The following RBFOX1 variants were observed in gnomAD, a reference collection of about 807,000 sequenced individuals.
RBFOX1 encodes RNA binding fox-1 homolog 1.
Under a neutral mutation model 57.7 loss-of-function variants are expected in RBFOX1, and 8 were observed. The observed-to-expected ratio is 0.14, with a 90% CI of 0.08 to 0.25. The LOEUF is 0.25. Among genes scored for constraint, RBFOX1 ranks in the 10% least tolerant of loss-of-function variants. RBFOX1 has a pLI of 1.00. For missense variants in RBFOX1, 611 were observed against 548.5 expected (o/e 1.11, Z -1.14); for synonymous variants, 326 against 222.4 (o/e 1.47, Z -4.15).
At chr16:6,993,045 G>T (rs919591122) in intron 3 of RBFOX1, among the ~76,000 whole-genome samples, 1 of 152,108 alleles carries the variant, frequency 6.6e-6, no homozygotes, top group Non-Finnish European at 1.5e-5. Context: ...TAATTTCGCA[G>T]CTGGAGCCTG....
chr16:7,535,873 A>G (rs772941866), intron 5 of RBFOX1, among the ~76,000 whole-genome samples: 5 of 152,250 alleles, frequency 3.3e-5, no homozygotes, highest in Admixed American at 6.5e-5. Context: ...GGAACAAAGT[A>G]GATACTCAAT....
chr16:6,210,358 C>A (rs56130441), intron 1 of RBFOX1, among the ~76,000 whole-genome samples: 92,474 of 96,712 alleles, frequency 0.96, 44,189 homozygotes, highest in South Asian at 0.99. Context: ...AAAAAAAAAA[C>A]ACCAAAAAAA....
chr16:5,702,983 CATG>C (rs1379769170), intron 3 of RBFOX1, among the ~76,000 whole-genome samples: 1 of 152,168 alleles, frequency 6.6e-6, no homozygotes. Context: ...TCATGTACAT[CATG>C]ATGTCTCTTA....
At chr16:7,239,175 G>A (rs1395686424) in intron 4 of RBFOX1, among the ~76,000 whole-genome samples, 1 of 152,030 alleles carries the variant, frequency 6.6e-6, no homozygotes, top group Non-Finnish European at 1.5e-5. Flanking sequence ...ATATGATGAG[G>A]CTACTTCTAC....
chr16:6,537,286 G>T (rs1016017142), intron 2 of RBFOX1, among the ~76,000 whole-genome samples: 1 of 152,126 alleles, frequency 6.6e-6, no homozygotes, highest in African/African-American at 2.4e-5. Flanking sequence ...ATTTTATAGG[G>T]TGTTAAGCAA....
intron 4 of RBFOX1, among the ~76,000 whole-genome samples, chr16:7,067,915 T>G (rs1015995710): frequency 2.6e-5 from 4 of 151,712 alleles, no homozygotes; most frequent in Non-Finnish European, 5.9e-5. Context: ...TTACTGGGTG[T>G]GAGCTGAGGG....
At chr16:5,656,607 A>G (rs1011577951) in intron 3 of RBFOX1, among the ~76,000 whole-genome samples, 1 of 152,170 alleles carries the variant, frequency 6.6e-6, no homozygotes, top group Non-Finnish European at 1.5e-5. Flanking sequence ...TATAATTGTT[A>G]ATATTTTTAG....
In RBFOX1 at chr16:6,389,902, A is replaced by G. The variant is rs79399195; in HGVS notation, c.-64+72845A>G. Among the ~76,000 whole-genome samples, 737 of 152,332 alleles carry G rather than the reference A, an allele frequency of 4.8e-3. 12 individuals are homozygous for G. Among genetic ancestry groups the G allele is most frequent in the African/African-American group, 0.016 (680 of 41,580 alleles). Reference sequence around the variant, plus strand: ...CTTTGAGCTACTTATGTGTACTGCCATCTGAGTCGCTGTCTCAGCATTTCC... The same window carrying G: ...CTTTGAGCTACTTATGTGTACTGCCGTCTGAGTCGCTGTCTCAGCATTTCC... On this transcript the variant is annotated intron_variant, in intron 2 of 15. Coordinates refer to ENST00000550418, the MANE Select transcript of RBFOX1 (RefSeq NM_018723.4).
intron 3 of RBFOX1, among the ~76,000 whole-genome samples, chr16:5,684,981 G>C (rs2050460168): frequency 1.3e-5 from 2 of 152,174 alleles, no homozygotes; most frequent in African/African-American, 4.8e-5. Flanking sequence ...TAATGAAGTT[G>C]GGGCATCCAG....
intron 3 of RBFOX1, among the ~76,000 whole-genome samples, chr16:6,866,541 A>ATTT (rs56678526): frequency 3.8e-5 from 3 of 78,884 alleles, no homozygotes; most frequent in African/African-American, 1.7e-4. Flanking sequence ...CTTTCCTTCT[A>ATTT]TTTTTTTTTT....
At chr16:6,190,478 C>A (rs569194467) in intron 1 of RBFOX1, among the ~76,000 whole-genome samples, 1 of 152,180 alleles carries the variant, frequency 6.6e-6, no homozygotes, top group Non-Finnish European at 1.5e-5. Context: ...TTTTCTAATC[C>A]TGTGTTGATT....
intron 3 of RBFOX1, among the ~76,000 whole-genome samples, chr16:6,960,505 C>T (rs923442721): frequency 3.9e-5 from 6 of 152,094 alleles, no homozygotes; most frequent in Admixed American, 2.0e-4. Context: ...AGCAGCCTGA[C>T]CCTCAGTTTG....
chr16:5,662,066 A>G (rs2005817), intron 3 of RBFOX1, among the ~76,000 whole-genome samples: 139,257 of 152,186 alleles, frequency 0.92, 64,296 homozygotes, highest in East Asian at 1. Flanking sequence ...GATTACAGGC[A>G]TGAGCTACCG....
At chr16:5,930,632 G>A (rs76321623) in intron 4 of RBFOX1, among the ~76,000 whole-genome samples, 25,754 of 99,806 alleles carry the variant, frequency 0.26, 3,950 homozygotes, top group Middle Eastern at 0.44. Flanking sequence ...ATGCATGGCT[G>A]GATGCATGGT....
intron 4 of RBFOX1, among the ~76,000 whole-genome samples, chr16:7,390,683 A>C (rs112321093): frequency 6.6e-6 from 1 of 152,324 alleles, no homozygotes; most frequent in East Asian, 1.9e-4. Context: ...GATGAAAAGA[A>C]TCAATATGCT....
At chr16:6,219,984 G>A (rs1238295730) in intron 1 of RBFOX1, among the ~76,000 whole-genome samples, 2 of 152,148 alleles carry the variant, frequency 1.3e-5, no homozygotes, top group Non-Finnish European at 1.5e-5. Context: ...GTAAATAGGT[G>A]TCCGTGTGTG....
intron 3 of RBFOX1, among the ~76,000 whole-genome samples, chr16:5,676,102 C>A (rs1165029670): frequency 6.6e-6 from 1 of 151,938 alleles, no homozygotes; most frequent in East Asian, 1.9e-4. Context: ...CATTGAGGGG[C>A]AGGGGGAGGG....
At chr16:5,636,724 C>T (rs1278589272) in intron 3 of RBFOX1, among the ~76,000 whole-genome samples, 1 of 152,186 alleles carries the variant, frequency 6.6e-6, no homozygotes, top group East Asian at 1.9e-4. Context: ...GAACTCCGGG[C>T]AGTGGACCAG....
chr16:6,102,304 A>T (rs543771109), intron 1 of RBFOX1, among the ~76,000 whole-genome samples: 1 of 151,658 alleles, frequency 6.6e-6, no homozygotes, highest in South Asian at 2.1e-4. Context: ...GAATGTTGTG[A>T]CATCATTAGG....
Sources: gnomAD v4.1 joint callset for allele counts (sites outside exome capture counted in the v4.1 genomes callset) on GRCh38, gnomAD v4.1.1 for gene constraint, MANE v1.5 for transcripts, NCBI Gene and HGNC (gene_info 2026-07-23, HGNC 2026-07-21) for gene names.